Variants in SENP7 observed in about 807,000 individuals in gnomAD.
The protein encoded by SENP7 is SUMO specific peptidase 7, also known as sentrin-specific protease 7.
In SENP7, 64 loss-of-function variants were observed where a neutral mutation model predicts 141.2. The observed-to-expected ratio is 0.45, with a 90% CI of 0.37 to 0.56. SENP7 has a LOEUF of 0.56. SENP7 is among the 20% of genes least tolerant of loss of function. SENP7 has a pLI of 0.00. For synonymous variants in SENP7, 382 were observed against 426.4 expected (o/e 0.90, Z 1.28); for missense variants, 1,025 against 1,212.2 (o/e 0.85, Z 2.29).
At chr3:101,422,847 T>A (rs955620798) in intron 4 of SENP7, among the ~76,000 whole-genome samples, 5 of 150,892 alleles carry the variant, frequency 3.3e-5, no homozygotes, top group Non-Finnish European at 4.4e-5. Flanking sequence ...TGCCTATGAA[T>A]AAAAAAAAAT....
chr3:101,355,115 G>C (rs918144745), intron 11 of SENP7, among the ~76,000 whole-genome samples: 24 of 151,916 alleles, frequency 1.6e-4, no homozygotes, highest in African/African-American at 5.1e-4. Context: ...CTAGATATTA[G>C]ACCTTTGTCA....
intron 10 of SENP7, among the ~76,000 whole-genome samples, chr3:101,364,365 A>G (rs2059981829): frequency 6.6e-6 from 1 of 152,234 alleles, no homozygotes; most frequent in Non-Finnish European, 1.5e-5. Context: ...ATTTTCTATA[A>G]GAATGAAGAG....
chr3:101,389,242 A>G (rs1248498262), intron 6 of SENP7, among the ~76,000 whole-genome samples: 1 of 152,162 alleles, frequency 6.6e-6, no homozygotes, highest in African/African-American at 2.4e-5. Context: ...GGCTCAAGCA[A>G]TCCTCCCACC....
intron 4 of SENP7, among the ~76,000 whole-genome samples, chr3:101,428,417 T>C (rs2062037627): frequency 6.6e-6 from 1 of 152,254 alleles, no homozygotes; most frequent in African/African-American, 2.4e-5. Context: ...TATCTCATTA[T>C]GGTTTTAATT....
At chr3:101,355,939 G>T (rs2059730702) in intron 11 of SENP7, among the ~76,000 whole-genome samples, 1 of 152,016 alleles carries the variant, frequency 6.6e-6, no homozygotes, top group South Asian at 2.1e-4. Context: ...CTGGTTAGCT[G>T]TATTCATAGG....
intron 2 of SENP7, among the ~76,000 whole-genome samples, chr3:101,495,587 G>A (rs1169513860): frequency 8.5e-5 from 13 of 152,104 alleles, no homozygotes; most frequent in Non-Finnish European, 1.9e-4. Flanking sequence ...GAACACAATC[G>A]TGTCTTTTGC....
chr3:101,492,962 G>C (rs1358150525), intron 3 of SENP7, among the ~76,000 whole-genome samples: 1 of 152,176 alleles, frequency 6.6e-6, no homozygotes, highest in East Asian at 1.9e-4. Context: ...CTGCACTCCA[G>C]TGTGAGCAAC....
intron 5 of SENP7, among the ~76,000 whole-genome samples, chr3:101,402,616 C>CAAAAAA (rs58525002): frequency 0.3 from 27,899 of 92,800 alleles, 5,013 homozygotes; most frequent in Admixed American, 0.36. Context: ...GACTCCGTCT[C>CAAAAAA]AAAAAAAAAA....
intron 16 of SENP7, among the ~76,000 whole-genome samples, 182 bp downstream of exon 16, chr3:101,339,913 G>A (rs921769139): frequency 6.6e-6 from 1 of 152,146 alleles, no homozygotes; most frequent in Admixed American, 6.5e-5. Flanking sequence ...TCCACAGTAA[G>A]TAAAGCAATG....
intron 4 of SENP7, among the ~76,000 whole-genome samples, chr3:101,452,952 T>G (rs1010194055): frequency 1.3e-5 from 2 of 152,156 alleles, no homozygotes; most frequent in Non-Finnish European, 2.9e-5. Flanking sequence ...GAGAAAATTT[T>G]TGCAACCTAC....
chr3:101,426,481 A>C (rs2061961279), intron 4 of SENP7, among the ~76,000 whole-genome samples: 1 of 117,210 alleles, frequency 8.5e-6, no homozygotes, highest in Admixed American at 1.0e-4. Context: ...AGGAGAAATA[A>C]GATTTTTTTT....
intron 4 of SENP7, among the ~76,000 whole-genome samples, chr3:101,438,878 G>A (rs1037244956): frequency 1.2e-4 from 18 of 151,378 alleles, no homozygotes; most frequent in Non-Finnish European, 5.9e-5. Flanking sequence ...CGGGCCCCGC[G>A]GGGCCCGAGG....
chr3:101,431,836 A>G (rs924613023), intron 4 of SENP7, among the ~76,000 whole-genome samples: 1 of 151,872 alleles, frequency 6.6e-6, no homozygotes, highest in African/African-American at 2.4e-5. Context: ...TTTCCAGCAC[A>G]TGCATTTGTT....
Position 101,367,868 on chromosome 3 carries a change from GAGA to G in SENP7, c.937_939del (p.Ser313del). 3 of 1,608,004 alleles carry G rather than the reference GAGA, an allele frequency of 1.9e-6. No individual in the cohort carries two copies. The highest frequency in any genetic ancestry group is 2.6e-6 in the Non-Finnish European group (3 of 1,175,050). On this transcript the variant is annotated inframe_deletion, in exon 8 of 24. Coordinates refer to ENST00000394095, the MANE Select transcript of SENP7 (RefSeq NM_020654.5). ...GACTTATCCAAAGAAGTACAATATT[GAGA>G]ATCAGGTAAATTATTTCTAAGCCTT...
chr3:101,444,154 C>A (rs1227282970), intron 4 of SENP7, among the ~76,000 whole-genome samples: 2 of 132,638 alleles, frequency 1.5e-5, no homozygotes, highest in African/African-American at 5.4e-5. Flanking sequence ...CTCATCATCA[C>A]TGGCCATCAG....
At position 101,513,077 on chromosome 3, in the gene SENP7, T is replaced by C. The variant is rs9682313; in HGVS notation, c.40+14A>G. On this transcript the variant is annotated intron_variant, in intron 1 of 23. Transcript: ENST00000394095. Reference sequence around the variant, plus strand: ...GGAGACAATATGTTCAGCCCTTCTCTGACCCTTTCTCACCGGATGAAGATG... The same window carrying C: ...GGAGACAATATGTTCAGCCCTTCTCCGACCCTTTCTCACCGGATGAAGATG... 0.42 allele frequency: 673,460 copies of C among 1,611,260 alleles called. 145,362 individuals are homozygous for C. Among genetic ancestry groups the C allele is most frequent in the Admixed American group, 0.65 (39,232 of 59,968 alleles).
At chr3:101,481,501 A>G (rs1237336349) in intron 3 of SENP7, among the ~76,000 whole-genome samples, 6 of 152,082 alleles carry the variant, frequency 3.9e-5, no homozygotes, top group Admixed American at 3.9e-4. Flanking sequence ...TAGAGGGGAG[A>G]GGTCACAATG....
intron 4 of SENP7, chr3:101,457,573 C>T: frequency 1.3e-6 from 2 of 1,595,032 alleles, no homozygotes; most frequent in Admixed American, 3.3e-5. Flanking sequence ...ATATTGTTTA[C>T]CCCTAACTTC....
At chr3:101,381,016 A>G (rs1056658729) in intron 6 of SENP7, among the ~76,000 whole-genome samples, 9 of 152,250 alleles carry the variant, frequency 5.9e-5, no homozygotes, top group African/African-American at 2.2e-4. Context: ...GCCATGTAAT[A>G]CATATTGTTC....
Sources: gnomAD v4.1 joint callset for allele counts (sites outside exome capture counted in the v4.1 genomes callset) on GRCh38, gnomAD v4.1.1 for gene constraint, MANE v1.5 for transcripts, NCBI Gene and HGNC (gene_info 2026-07-23, HGNC 2026-07-21) for gene names.